RAB27B: variants seen among roughly 807,000 people sequenced by gnomAD.
The protein encoded by RAB27B is RAB27B, member RAS oncogene family, also known as ras-related protein Rab-27B.
RAB27B carries 15 observed loss-of-function variants against 24.6 expected under a neutral mutation model. The ratio of observed to expected loss-of-function variants is 0.61; its 90% CI spans 0.41 to 0.94. RAB27B has a LOEUF of 0.94. RAB27B is among the 40% of genes least tolerant of loss of function. RAB27B has a pLI of 0.00. For missense variants in RAB27B, 261 were observed against 266.8 expected, an observed-to-expected ratio of 0.98 and a Z score of 0.15; for synonymous variants, 105 against 92.5, an observed-to-expected ratio of 1.14 and a Z score of -0.78.
At chr18:54,772,532 C>G (rs1172981933) in intron 2 of RAB27B, among the ~76,000 whole-genome samples, 1 of 152,144 alleles carries the variant, frequency 6.6e-6, no homozygotes, top group East Asian at 1.9e-4. Context: ...AATGTGAGAT[C>G]TTTCGTTTTA....
chr18:54,797,277 G>A (rs1909452567), intron 2 of RAB27B, among the ~76,000 whole-genome samples: 2 of 152,170 alleles, frequency 1.3e-5, no homozygotes, highest in South Asian at 4.1e-4. Flanking sequence ...CACTCTTCTA[G>A]CACTTTGTGA....
chr18:54,786,416 A>G (rs1909087802), intron 2 of RAB27B, among the ~76,000 whole-genome samples: 1 of 152,182 alleles, frequency 6.6e-6, no homozygotes, highest in Non-Finnish European at 1.5e-5. Flanking sequence ...TTTCTGTCTC[A>G]TTCCCTGATG....
At chr18:54,821,237 AAATAAC>A (rs755376908) in intron 2 of RAB27B, among the ~76,000 whole-genome samples, 44 of 152,274 alleles carry the variant, frequency 2.9e-4, no homozygotes, top group Admixed American at 7.2e-4. Flanking sequence ...TCTTATACAC[AAATAAC>A]AGACAAACAG....
intron 1 of RAB27B, among the ~76,000 whole-genome samples, chr18:54,861,210 T>G (rs1297771998): frequency 6.6e-6 from 1 of 152,124 alleles, no homozygotes; most frequent in East Asian, 1.9e-4. Context: ...AGCTAGAAAA[T>G]GAACCCAATT....
At chr18:54,746,856 A>G (rs1428179608) in intron 2 of RAB27B, among the ~76,000 whole-genome samples, 1 of 152,194 alleles carries the variant, frequency 6.6e-6, no homozygotes, top group East Asian at 1.9e-4. Context: ...CACTTTTTGT[A>G]TACTTGCATT....
chr18:54,858,747 A>G (rs1245843873), intron 1 of RAB27B, among the ~76,000 whole-genome samples: 2 of 152,086 alleles, frequency 1.3e-5, no homozygotes, highest in African/African-American at 4.8e-5. Context: ...AGTTTAGGTT[A>G]TTGGAAACTT....
intron 1 of RAB27B, among the ~76,000 whole-genome samples, chr18:54,874,686 C>T (rs1912621784): frequency 6.6e-6 from 1 of 152,182 alleles, no homozygotes; most frequent in Non-Finnish European, 1.5e-5. Context: ...TTCACACCCC[C>T]ACTGCAAAAA....
chr18:54,825,326 C>T (rs1910436451), upstream of RAB27B, among the ~76,000 whole-genome samples: 1 of 152,048 alleles, frequency 6.6e-6, no homozygotes, highest in African/African-American at 2.4e-5. Flanking sequence ...GGATTGTTTT[C>T]CTGGACGTTT....
intron 1 of RAB27B, among the ~76,000 whole-genome samples, chr18:54,853,632 G>A (rs1180565774): frequency 6.6e-6 from 1 of 152,144 alleles, no homozygotes; most frequent in East Asian, 1.9e-4. Flanking sequence ...TAATCGGTAT[G>A]AAGTTTCTTG....
chr18:54,887,648 T>C (rs1913199588), intron 4 of RAB27B, among the ~76,000 whole-genome samples: 1 of 152,140 alleles, frequency 6.6e-6, no homozygotes, highest in African/African-American at 2.4e-5. Flanking sequence ...GAAATCTCCT[T>C]AAGCAAGAAC....
chr18:54,782,741 T>C (rs1908955016), intron 2 of RAB27B, among the ~76,000 whole-genome samples: 1 of 152,214 alleles, frequency 6.6e-6, no homozygotes, highest in Admixed American at 6.5e-5. Flanking sequence ...ATGACCCTTG[T>C]ACAATTTTAG....
chr18:54,856,839 G>A (rs1911803669), intron 1 of RAB27B, among the ~76,000 whole-genome samples: 1 of 152,190 alleles, frequency 6.6e-6, no homozygotes, highest in African/African-American at 2.4e-5. Flanking sequence ...TAATCTGGGG[G>A]AAGATTAGTA....
chr18:54,719,275 T>C (rs557925649), intron 2 of RAB27B, among the ~76,000 whole-genome samples: 3 of 152,236 alleles, frequency 2.0e-5, no homozygotes, highest in African/African-American at 7.2e-5. Flanking sequence ...TCAAAGTGTT[T>C]AGGTATCAAA....
At chr18:54,870,291 A>G (rs962984604) in intron 1 of RAB27B, among the ~76,000 whole-genome samples, 2 of 152,184 alleles carry the variant, frequency 1.3e-5, no homozygotes, top group Admixed American at 6.5e-5. Flanking sequence ...ATGATTCTAC[A>G]TAAGGAAATC....
At chr18:54,793,627 A>G (rs1399057707) in intron 2 of RAB27B, among the ~76,000 whole-genome samples, 2 of 152,262 alleles carry the variant, frequency 1.3e-5, no homozygotes, top group Non-Finnish European at 2.9e-5. Context: ...AACAGCAAGT[A>G]AGCAAATCAA....
At chr18:54,729,863 A>G (rs1909673465) in intron 2 of RAB27B, among the ~76,000 whole-genome samples, 1 of 152,192 alleles carries the variant, frequency 6.6e-6, no homozygotes, top group African/African-American at 2.4e-5. Flanking sequence ...GGACAAAAAA[A>G]AAATGTTGAA....
chr18:54,812,567 A>ACACG, intron 2 of RAB27B, among the ~76,000 whole-genome samples: 1 of 150,134 alleles, frequency 6.7e-6, no homozygotes, highest in Middle Eastern at 3.4e-3. Flanking sequence ...ACACACACAC[A>ACACG]CACACACACA....
chr18:54,846,054 C>G (rs1039349644), intron 1 of RAB27B, among the ~76,000 whole-genome samples: 1 of 152,092 alleles, frequency 6.6e-6, no homozygotes, highest in African/African-American at 2.4e-5. Flanking sequence ...TAATGTTTTT[C>G]ACATTTTTGT....
intron 1 of RAB27B, among the ~76,000 whole-genome samples, chr18:54,833,515 C>G (rs1182610672): frequency 6.6e-6 from 1 of 152,168 alleles, no homozygotes; most frequent in Non-Finnish European, 1.5e-5. Context: ...GTGTGTACAA[C>G]TGCACCCGGC....
Sources: allele counts gnomAD v4.1 joint callset (sites outside exome capture counted in the v4.1 genomes callset), GRCh38; gene constraint gnomAD v4.1.1; transcripts MANE v1.5; gene names NCBI Gene and HGNC (gene_info 2026-07-23, HGNC 2026-07-21).